Variants in LPAR3 observed in about 807,000 individuals in gnomAD.
LPAR3 encodes the protein LPA receptor 3.
Under a neutral mutation model 17.8 loss-of-function variants are expected in LPAR3, and 7 were observed. The observed-to-expected ratio is 0.39, with a 90% CI of 0.22 to 0.74. The LOEUF is 0.74. Among genes scored for constraint, LPAR3 ranks in the 30% least tolerant of loss-of-function variants. The probability of loss-of-function intolerance (pLI) is 0.40; values close to 1 mark genes in which losing one functional copy is unlikely to be tolerated. For synonymous variants in LPAR3, 179 were observed against 179.9 expected, an observed-to-expected ratio of 0.99 and a Z score of 0.04; for missense variants, 391 against 453.4, an observed-to-expected ratio of 0.86 and a Z score of 1.25.
chr1:84,864,537 C>T (rs1660002910), intron 2 of LPAR3, among the ~76,000 whole-genome samples: 1 of 152,178 alleles, frequency 6.6e-6, no homozygotes, highest in South Asian at 2.1e-4. Context: ...CAGATCATGT[C>T]ACTCCCCTGT....
At chr1:84,869,954 G>C (rs1233092352) in intron 1 of LPAR3, among the ~76,000 whole-genome samples, 3 of 152,192 alleles carry the variant, frequency 2.0e-5, no homozygotes, top group Admixed American at 6.5e-5. Flanking sequence ...CAAGGATGTA[G>C]CTTTCACCAA....
chr1:84,892,685 A>C (rs1380915503), intron 1 of LPAR3, among the ~76,000 whole-genome samples: 7 of 152,248 alleles, frequency 4.6e-5, no homozygotes, highest in African/African-American at 1.7e-4. Context: ...CACGTGTGCA[A>C]AGGCAGACGC....
intron 2 of LPAR3, among the ~76,000 whole-genome samples, chr1:84,836,607 C>A (rs191674158): frequency 6.6e-6 from 1 of 152,210 alleles, no homozygotes; most frequent in South Asian, 2.1e-4. Flanking sequence ...ATTAGAATAA[C>A]TTATTTGGAA....
At chr1:84,844,563 G>A (rs895364443) in intron 2 of LPAR3, among the ~76,000 whole-genome samples, 1 of 152,092 alleles carries the variant, frequency 6.6e-6, no homozygotes, top group African/African-American at 2.4e-5. Flanking sequence ...TATATAAAAC[G>A]ACCCTCATTG....
Position 84,815,640 on chromosome 1 carries a change from G to A in LPAR3, c.737-1469C>T, listed in dbSNP as rs138285320. Among the ~76,000 whole-genome samples the A allele has an allele frequency of 7.2e-4, 109 of 152,206 alleles. 3 individuals carry two copies. In the Middle Eastern group the frequency reaches 0.02, roughly 28 times the overall value. ...GCACAGCTCAACCTATGAGTGACCC[G>A]AATTATGGGAATTACTTCACTTTTC... On this transcript the variant is annotated intron_variant, in intron 2 of 2. Coordinates refer to ENST00000370611, the MANE Select transcript of LPAR3 (RefSeq NM_012152.3).
At position 84,814,185 on chromosome 1, in the gene LPAR3, A is replaced by G. The variant is rs754268461; in HGVS notation, c.737-14T>C. 6.2e-7 allele frequency: 1 copy of G among 1,608,910 alleles called. No homozygotes were observed. Among genetic ancestry groups the G allele is most frequent in the African/African-American group, 1.3e-5 (1 of 74,836 alleles). Reference sequence around the variant, plus strand: ...CCACAAACGCCCCTGCAAGGAGAGAAGAGGAGGCAACAGATGCTCAGACCT... The same window carrying G: ...CCACAAACGCCCCTGCAAGGAGAGAGGAGGAGGCAACAGATGCTCAGACCT... On this transcript the variant is annotated splice_polypyrimidine_tract_variant and intron_variant, in intron 2 of 2. Transcript: ENST00000370611.
chr1:84,838,606 T>C (rs553168835), intron 2 of LPAR3, among the ~76,000 whole-genome samples: 1 of 152,322 alleles, frequency 6.6e-6, no homozygotes, highest in East Asian at 1.9e-4. Flanking sequence ...ACCACTATCA[T>C]CTAGAGTCTG....
chr1:84,855,447 G>A (rs1014641788), intron 2 of LPAR3, among the ~76,000 whole-genome samples: 7 of 152,146 alleles, frequency 4.6e-5, no homozygotes, highest in Admixed American at 4.6e-4. Flanking sequence ...AGGAGGGTTG[G>A]ATGTAGTTGG....
chr1:84,820,434 G>A lies in LPAR3; in HGVS notation c.737-6263C>T, dbSNP rs75992957. On this transcript the variant is annotated intron_variant, in intron 2 of 2. Coordinates refer to ENST00000370611, the MANE Select transcript of LPAR3 (RefSeq NM_012152.3). ...GACGACTCTAACTCCTGTCAATGAG[G>A]GTCTCAGTCGAAGTGACACTCAGTT... Among the ~76,000 whole-genome samples the A allele has an allele frequency of 3.8e-3, 576 of 152,290 alleles. 3 individuals are homozygous for A. Among genetic ancestry groups the A allele is most frequent in the Non-Finnish European group, 3.5e-3 (237 of 68,024 alleles).
chr1:84,851,932 G>T (rs558235385), intron 2 of LPAR3, among the ~76,000 whole-genome samples: 1 of 152,174 alleles, frequency 6.6e-6, no homozygotes, highest in South Asian at 2.1e-4. Flanking sequence ...AAGGCCTGGA[G>T]CAAGAAAATG....
intron 2 of LPAR3, among the ~76,000 whole-genome samples, chr1:84,815,715 G>T (rs1241645429): frequency 6.6e-6 from 1 of 152,136 alleles, no homozygotes; most frequent in Non-Finnish European, 1.5e-5. Flanking sequence ...ACCCAACTAT[G>T]TGAGGTGGTA....
At chr1:84,838,302 AT>A in intron 2 of LPAR3, among the ~76,000 whole-genome samples, 1 of 152,156 alleles carries the variant, frequency 6.6e-6, no homozygotes, top group Admixed American at 6.5e-5. Flanking sequence ...TCCATGGTGG[AT>A]TCTTTCACAG....
chr1:84,870,961 G>A (rs542504423), intron 1 of LPAR3, among the ~76,000 whole-genome samples: 8 of 152,108 alleles, frequency 5.3e-5, no homozygotes, highest in Non-Finnish European at 1.0e-4. Context: ...AAAAAATAGA[G>A]GGCATTCTAA....
intron 1 of LPAR3, among the ~76,000 whole-genome samples, chr1:84,892,761 C>T (rs897314705): frequency 1.4e-4 from 22 of 152,322 alleles, no homozygotes; most frequent in Admixed American, 1.0e-3. Flanking sequence ...GACGCAACGC[C>T]GATTTTGCAT....
chr1:84,873,003 C>T lies in LPAR3; in HGVS notation c.-18-6865G>A, dbSNP rs1259695532. ...ATCATGAGAAAAACATCAGCTAAAT[C>T]GCAGTTGGGGAACATTCTACAACAT... On this transcript the variant is annotated intron_variant, in intron 1 of 2. Transcript: ENST00000370611. Among the ~76,000 whole-genome samples the T allele has an allele frequency of 2.6e-5, 4 of 152,132 alleles. No individual in the cohort carries two copies. In the East Asian group the frequency reaches 5.8e-4, roughly 22 times the overall value.
chr1:84,814,461 T>G (rs1194149357), intron 2 of LPAR3, among the ~76,000 whole-genome samples: 1 of 152,210 alleles, frequency 6.6e-6, no homozygotes, highest in Non-Finnish European at 1.5e-5. Flanking sequence ...TAGGAGGCAG[T>G]GCACATGCAT....
intron 1 of LPAR3, among the ~76,000 whole-genome samples, chr1:84,870,325 C>A (rs1037782300): frequency 6.6e-6 from 1 of 152,200 alleles, no homozygotes. Flanking sequence ...AATTTATTGT[C>A]CATCTCCCAC....
At chr1:84,857,824 C>T (rs550080464) in intron 2 of LPAR3, among the ~76,000 whole-genome samples, 28 of 152,192 alleles carry the variant, frequency 1.8e-4, no homozygotes, top group Admixed American at 5.9e-4. Context: ...TGAACCTTTT[C>T]GGGCCTCAGT....
intron 2 of LPAR3, among the ~76,000 whole-genome samples, chr1:84,832,516 T>A (rs1659304752): frequency 6.6e-6 from 1 of 152,100 alleles, no homozygotes; most frequent in Non-Finnish European, 1.5e-5. Context: ...GAAGACGACA[T>A]GATAAAGAAG....
Sources: gnomAD v4.1 joint callset for allele counts (sites outside exome capture counted in the v4.1 genomes callset) on GRCh38, gnomAD v4.1.1 for gene constraint, MANE v1.5 for transcripts, NCBI Gene and HGNC (gene_info 2026-07-23, HGNC 2026-07-21) for gene names.